CDH22: variants seen among roughly 807,000 people sequenced by gnomAD.
CDH22 encodes the protein cadherin 22.
Under a neutral mutation model 58.4 loss-of-function variants are expected in CDH22, and 30 were observed. The observed-to-expected ratio is 0.51, with a 90% confidence interval of 0.38 to 0.70. The LOEUF (loss-of-function observed/expected upper bound fraction) is 0.70, where lower values mean the gene tolerates loss of function less well. CDH22 is among the 30% of genes least tolerant of loss of function. CDH22 has a pLI of 0.00. For synonymous variants in CDH22, 513 were observed against 558.2 expected, an observed-to-expected ratio of 0.92 and a Z score of 1.14; for missense variants, 1,014 against 1,233.9, an observed-to-expected ratio of 0.82 and a Z score of 2.67.
Position 46,216,020 on chromosome 20 carries a change from C to T in CDH22, c.838+806G>A, listed in dbSNP as rs918342568. 6.6e-6 allele frequency among the ~76,000 whole-genome samples: 1 copy of T among 152,192 alleles called. No individual in the cohort carries two copies. The highest frequency in any genetic ancestry group is 2.4e-5 in the African/African-American group (1 of 41,458). ...GCTCTCAGCTAAGGGATTGGATTCC[C>T]TTATCTCTCGGGGGTCAGTCCCCTG... On this transcript the variant is annotated intron_variant, in intron 5 of 11. Transcript: ENST00000537909. This position sits in a 1 kb window ranked among gnomAD's most constrained non-coding sequence, Gnocchi z 5.3.
chr20:46,280,657 T>G (rs2145766838), intron 1 of CDH22, among the ~76,000 whole-genome samples: 1 of 152,340 alleles, frequency 6.6e-6, no homozygotes, highest in African/African-American at 2.4e-5. Context: ...GTGCTGAGGA[T>G]AGACCTTGGC....
chr20:46,297,591 A>T (rs999708783), intron 1 of CDH22, among the ~76,000 whole-genome samples: 3 of 142,798 alleles, frequency 2.1e-5, no homozygotes, highest in African/African-American at 8.0e-5. Context: ...GGATCTGGCC[A>T]GGGGCTCAGC....
At chr20:46,252,630 A>G (rs1345923004) in intron 1 of CDH22, among the ~76,000 whole-genome samples, 1 of 152,168 alleles carries the variant, frequency 6.6e-6, no homozygotes, top group African/African-American at 2.4e-5. Context: ...GAGGGGCTCA[A>G]TCCCCACTTC....
At chr20:46,246,483 G>A (rs1221927632) in intron 2 of CDH22, among the ~76,000 whole-genome samples, 1 of 152,178 alleles carries the variant, frequency 6.6e-6, no homozygotes, top group Non-Finnish European at 1.5e-5. Flanking sequence ...GGCCTCGGGG[G>A]AAATTATAGT....
chr20:46,175,683 G>A (rs1009229429), intron 11 of CDH22, among the ~76,000 whole-genome samples: 9 of 152,164 alleles, frequency 5.9e-5, no homozygotes, highest in East Asian at 1.9e-4. Flanking sequence ...CTCAAAGTGC[G>A]GCCCCTGGGC....
In CDH22 at chr20:46,198,795, G is replaced by A. The variant is rs74528463; in HGVS notation, c.1423+628C>T. On this transcript the variant is annotated intron_variant, in intron 8 of 11. Transcript: ENST00000537909. Reference sequence around the variant, plus strand: ...ACCGCAGGGCCTCTTTGCACTGGCTGTTCCCCCTGCTTGGAATGCTCTTCC... The same window carrying A: ...ACCGCAGGGCCTCTTTGCACTGGCTATTCCCCCTGCTTGGAATGCTCTTCC... Among the ~76,000 whole-genome samples, 208 of 152,262 alleles carry A rather than the reference G, an allele frequency of 1.4e-3. 2 individuals are homozygous for A. Among genetic ancestry groups the A allele is most frequent in the Non-Finnish European group, 2.5e-3 (171 of 68,016 alleles).
rs115822194 is a variant in CDH22 at position 46,199,590 on chromosome 20, G to T, written c.1287-31C>A. ...GGGGGCAGGGCAGGGCTGATTGAAG[G>T]TGCCCCAGTGCCAAATGGAGCCCAT... On this transcript the variant is annotated intron_variant, in intron 7 of 11. Coordinates refer to ENST00000537909, the MANE Select transcript of CDH22 (RefSeq NM_021248.3). 4.6e-4 allele frequency: 736 copies of T among 1,606,392 alleles called. 7 individuals are homozygous for T. In the African/African-American group the frequency reaches 8.4e-3, roughly 18 times the overall value.
intron 1 of CDH22, among the ~76,000 whole-genome samples, chr20:46,273,823 T>C (rs1401824340): frequency 2.0e-5 from 3 of 152,028 alleles, no homozygotes; most frequent in Admixed American, 6.5e-5. Flanking sequence ...CTGGAATGTG[T>C]GAGGAATCCA....
At chr20:46,279,874 G>A (rs914696175) in intron 1 of CDH22, among the ~76,000 whole-genome samples, 4 of 152,234 alleles carry the variant, frequency 2.6e-5, no homozygotes, top group African/African-American at 9.6e-5. Context: ...TATACGTGCA[G>A]AGAGAATGTG....
At chr20:46,250,279 C>T (rs1268554232) in intron 2 of CDH22, among the ~76,000 whole-genome samples, 8 of 152,154 alleles carry the variant, frequency 5.3e-5, no homozygotes, top group African/African-American at 7.2e-5. Context: ...GGGGATTTCG[C>T]GGCGAGCAAA....
rs139573553 is a variant in CDH22, at chr20:46,257,973, G to A, written c.-399-6280C>T. Among the ~76,000 whole-genome samples the A allele has an allele frequency of 3.1e-3, 477 of 152,288 alleles. 1 individual carries two copies. The highest frequency in any genetic ancestry group is 0.011 in the African/African-American group (451 of 41,560). On this transcript the variant is annotated intron_variant, in intron 1 of 11. Coordinates refer to ENST00000537909, the MANE Select transcript of CDH22 (RefSeq NM_021248.3). ...TAGGGAGGGAGTGGTGAACTGTGCC[G>A]AATGCTGCCATTGAGGGGTAAGTGT...
intron 3 of CDH22, among the ~76,000 whole-genome samples, chr20:46,239,644 T>C (rs1323535496): frequency 6.6e-6 from 1 of 152,220 alleles, no homozygotes; most frequent in Non-Finnish European, 1.5e-5. Flanking sequence ...AGCATCCAAC[T>C]TTTGGCCACA....
chr20:46,184,946 C>T (rs1413650405), intron 10 of CDH22, among the ~76,000 whole-genome samples: 5 of 152,022 alleles, frequency 3.3e-5, no homozygotes, highest in Non-Finnish European at 5.9e-5. Flanking sequence ...ATTAGCCTGG[C>T]GTGGTGGTGC....
At chr20:46,282,487 A>T (rs1228546049) in intron 1 of CDH22, among the ~76,000 whole-genome samples, 1 of 152,222 alleles carries the variant, frequency 6.6e-6, no homozygotes, top group Non-Finnish European at 1.5e-5. Flanking sequence ...CTACAGCCAG[A>T]ATAAAATCAG....
Position 46,210,471 on chromosome 20 carries a change from C to A in CDH22, c.1122G>T (p.Thr374=), listed in dbSNP as rs2086034311. The A allele has an allele frequency of 1.4e-6, 2 of 1,434,392 alleles. No individual in the cohort carries two copies. The highest frequency in any genetic ancestry group is 3.0e-5 in the African/African-American group (2 of 67,210). The allele number at this position is 1,434,392 out of a possible 1,614,324, so 88.9% of individuals were successfully genotyped here. A position where few individuals can be genotyped will look rare whatever the true frequency, so the allele number is the denominator to read the frequency against. Residue 374 remains threonine, a synonymous_variant, in exon 7 of 12, where the codon ACG becomes ACT. Transcript: ENST00000537909. The surrounding 1 kb of genome is among the most constrained non-coding windows in gnomAD (Gnocchi z 4.5). The stretch of plus-strand genomic sequence containing the variant: ...CGCGCACGATCGCCTGGTCGCGGAA[C>A]GTGCCCAGGTCGGCGAAGCGGGGGT... ...FVDPRFADLG[T]FRDQAIVRVA...
At chr20:46,239,845 C>T (rs1382856182) in intron 3 of CDH22, among the ~76,000 whole-genome samples, 2 of 152,196 alleles carry the variant, frequency 1.3e-5, no homozygotes, top group Non-Finnish European at 2.9e-5. Flanking sequence ...TGGTCAGAAA[C>T]GGTCTGGGGG....
At chr20:46,227,851 G>A (rs1208565777) in intron 3 of CDH22, among the ~76,000 whole-genome samples, 1 of 152,198 alleles carries the variant, frequency 6.6e-6, no homozygotes, top group Non-Finnish European at 1.5e-5. Flanking sequence ...GTCAGATCTG[G>A]ATTCAAGTCC....
intron 4 of CDH22, among the ~76,000 whole-genome samples, chr20:46,227,252 T>G (rs1182964845): frequency 6.6e-6 from 1 of 152,222 alleles, no homozygotes; most frequent in Non-Finnish European, 1.5e-5. Flanking sequence ...GCTTCCTGCC[T>G]TTCGGTTTCT....
chr20:46,215,112 T>C (rs1239510956), intron 5 of CDH22, among the ~76,000 whole-genome samples: 1 of 152,222 alleles, frequency 6.6e-6, no homozygotes, highest in African/African-American at 2.4e-5. Flanking sequence ...TTGGCTTTAT[T>C]TGGTAAAGCT....
Sources: allele counts gnomAD v4.1 joint callset (sites outside exome capture counted in the v4.1 genomes callset), GRCh38; gene constraint gnomAD v4.1.1; non-coding constraint Gnocchi (gnomAD v3.1); transcripts MANE v1.5; gene names NCBI Gene and HGNC (gene_info 2026-07-23, HGNC 2026-07-21).